NMNAT3: variants seen among roughly 807,000 people sequenced by gnomAD.
NMNAT3 encodes nicotinamide nucleotide adenylyltransferase 3, also known as nicotinamide/nicotinic acid mononucleotide adenylyltransferase 3.
NMNAT3 carries 21 observed loss-of-function variants against 24.8 expected under a neutral mutation model. The observed-to-expected ratio is 0.85, with a 90% CI of 0.60 to 1.22. The LOEUF is 1.22. NMNAT3 is among the 50% of genes most tolerant of loss of function. The pLI, the probability that NMNAT3 is intolerant of heterozygous loss-of-function variation, is 0.00. For missense variants in NMNAT3, 387 were observed against 436.6 expected, an observed-to-expected ratio of 0.89 and a Z score of 1.01; for synonymous variants, 136 against 155.2, an observed-to-expected ratio of 0.88 and a Z score of 0.92.
chr3:139,631,912 C>G lies in NMNAT3; in HGVS notation c.-40-4148G>C, dbSNP rs143160651. ...TGTCATTTTTTTAATGCATGTTGCT[C>G]TTCTCCAAGTGGAAGATAATATCTT... On this transcript the variant is annotated intron_variant, in intron 2 of 6. Transcript: ENST00000643695. Among the ~76,000 whole-genome samples the G allele has an allele frequency of 5.9e-3, 901 of 152,262 alleles. 12 individuals carry two copies. Among genetic ancestry groups the G allele is most frequent in the African/African-American group, 0.02 (842 of 41,548 alleles).
intron 3 of NMNAT3, among the ~76,000 whole-genome samples, chr3:139,588,070 CCTT>C (rs1256466680): frequency 6.6e-6 from 1 of 152,082 alleles, no homozygotes; most frequent in East Asian, 1.9e-4. Flanking sequence ...ATCTAAAACT[CCTT>C]CTTGCCCTCC....
At chr3:139,561,669 T>C (rs762785705) in intron 6 of NMNAT3, among the ~76,000 whole-genome samples, 1 of 152,224 alleles carries the variant, frequency 6.6e-6, no homozygotes, top group Non-Finnish European at 1.5e-5. Context: ...AACAGAAGTC[T>C]GTCTGTGGTT....
intron 1 of NMNAT3, among the ~76,000 whole-genome samples, chr3:139,670,494 C>T (rs1317521488): frequency 6.6e-6 from 1 of 152,230 alleles, no homozygotes; most frequent in East Asian, 1.9e-4. Flanking sequence ...GCTAGTGCTT[C>T]CTGGGGTCCA....
chr3:139,600,550 C>T (rs533336843), intron 3 of NMNAT3, among the ~76,000 whole-genome samples: 77 of 152,232 alleles, frequency 5.1e-4, no homozygotes, highest in African/African-American at 1.8e-3. Context: ...TCAGGTGATC[C>T]ACCCACCTTG....
chr3:139,666,148 C>T (rs1323337992), intron 1 of NMNAT3, among the ~76,000 whole-genome samples: 2 of 152,324 alleles, frequency 1.3e-5, no homozygotes, highest in East Asian at 1.9e-4. Flanking sequence ...ACAGCATGCG[C>T]TGTCCACATG....
intron 4 of NMNAT3, among the ~76,000 whole-genome samples, chr3:139,580,993 T>C (rs545274402): frequency 6.6e-6 from 1 of 152,224 alleles, no homozygotes; most frequent in Non-Finnish European, 1.5e-5. Flanking sequence ...AATTACATGT[T>C]ATTAATAATT....
chr3:139,572,293 G>C (rs1938509199), intron 6 of NMNAT3: 1 of 398,056 alleles, frequency 2.5e-6, no homozygotes, highest in Admixed American at 4.4e-5. Flanking sequence ...ACTGGGCACT[G>C]TGCTTATCGG....
chr3:139,613,946 A>G (rs36196445), intron 3 of NMNAT3, among the ~76,000 whole-genome samples: 13,858 of 151,192 alleles, frequency 0.092, 862 homozygotes, highest in Non-Finnish European at 0.14. Flanking sequence ...ATGAGAACAC[A>G]TGGACACAGG....
intron 1 of NMNAT3, among the ~76,000 whole-genome samples, chr3:139,667,439 TA>T (rs1459323323): frequency 1.3e-5 from 2 of 152,236 alleles, no homozygotes; most frequent in Non-Finnish European, 2.9e-5. Flanking sequence ...TTTGCACATT[TA>T]AAAAAATCAA....
intron 3 of NMNAT3, among the ~76,000 whole-genome samples, chr3:139,613,519 A>C (rs1232357847): frequency 1.3e-5 from 2 of 152,210 alleles, no homozygotes; most frequent in Non-Finnish European, 1.5e-5. Context: ...AAATACGTAC[A>C]CTTTTACACT....
intron 3 of NMNAT3, among the ~76,000 whole-genome samples, chr3:139,622,650 G>A (rs536095414): frequency 2.4e-4 from 36 of 150,402 alleles, no homozygotes; most frequent in Admixed American, 1.6e-3. Flanking sequence ...CAGGAGAATC[G>A]CTTGAACATG....
intron 1 of NMNAT3, among the ~76,000 whole-genome samples, chr3:139,652,134 C>T (rs1315784136): frequency 2.0e-5 from 3 of 152,162 alleles, no homozygotes; most frequent in East Asian, 3.9e-4. Context: ...GCCCTGAGTC[C>T]TACCCTCAGC....
At chr3:139,660,657 A>G (rs1347754539) in intron 1 of NMNAT3, among the ~76,000 whole-genome samples, 1 of 152,202 alleles carries the variant, frequency 6.6e-6, no homozygotes, top group Non-Finnish European at 1.5e-5. Flanking sequence ...ATTAGCAGTG[A>G]TGTCTCTATT....
At chr3:139,669,467 A>C (rs1359376833) in intron 1 of NMNAT3, among the ~76,000 whole-genome samples, 2 of 122,362 alleles carry the variant, frequency 1.6e-5, no homozygotes, top group African/African-American at 6.1e-5. Context: ...ACAGAGTGAG[A>C]CCCTGTCTCA....
chr3:139,614,017 TA>T (rs1277718612), intron 3 of NMNAT3, among the ~76,000 whole-genome samples: 1 of 151,816 alleles, frequency 6.6e-6, no homozygotes, highest in Non-Finnish European at 1.5e-5. Context: ...GGGATAGCAT[TA>T]GGAGATATAC....
chr3:139,596,916 G>GTATATATATATATATATATATA (rs58824425), intron 3 of NMNAT3, among the ~76,000 whole-genome samples: 1 of 97,164 alleles, frequency 1.0e-5, no homozygotes, highest in Non-Finnish European at 2.1e-5. Context: ...TGTCATGTGT[G>GTATATATATATATATATATATA]TATATATATA....
At chr3:139,659,044 C>T (rs1440447253) in intron 1 of NMNAT3, among the ~76,000 whole-genome samples, 2 of 152,154 alleles carry the variant, frequency 1.3e-5, no homozygotes, top group Admixed American at 6.5e-5. Flanking sequence ...CTTCTGTGTC[C>T]GTTTTACTCA....
intron 6 of NMNAT3, among the ~76,000 whole-genome samples, chr3:139,561,624 C>T (rs1936404520): frequency 6.6e-6 from 1 of 152,116 alleles, no homozygotes; most frequent in East Asian, 1.9e-4. Context: ...TGGAAAAGTG[C>T]CAAGGAATAC....
intron 5 of NMNAT3, among the ~76,000 whole-genome samples, chr3:139,577,369 C>T (rs1241500404): frequency 1.3e-5 from 2 of 152,178 alleles, no homozygotes; most frequent in Non-Finnish European, 2.9e-5. Context: ...ATTTAATTCA[C>T]ACGGAATCCT....
Sources: allele counts gnomAD v4.1 joint callset (sites outside exome capture counted in the v4.1 genomes callset), GRCh38; gene constraint gnomAD v4.1.1; transcripts MANE v1.5; gene names NCBI Gene and HGNC (gene_info 2026-07-23, HGNC 2026-07-21).